SEMA3D: variants seen among roughly 807,000 people sequenced by gnomAD.
SEMA3D encodes the protein semaphorin 3D, also known as semaphorin-3D.
SEMA3D carries 84 observed loss-of-function variants against 100.1 expected under a neutral mutation model. The observed-to-expected ratio is 0.84, with a 90% CI of 0.70 to 1.01. The LOEUF is 1.01. Among genes scored for constraint, SEMA3D ranks in the 50% least tolerant of loss-of-function variants. The pLI, the probability that SEMA3D is intolerant of heterozygous loss-of-function variation, is 0.00. For synonymous variants in SEMA3D, 312 were observed against 320.7 expected (o/e 0.97, Z 0.29); for missense variants, 875 against 934.1 (o/e 0.94, Z 0.82).
At chr7:85,154,485 G>A (rs1354364512) in intron 1 of SEMA3D, among the ~76,000 whole-genome samples, 5 of 151,976 alleles carry the variant, frequency 3.3e-5, no homozygotes, top group African/African-American at 4.8e-5. Context: ...CGGGGGTTGG[G>A]GGATGTCTGT....
At chr7:85,042,416 T>G (rs1790890032) in intron 9 of SEMA3D, 131 bp from the exon 10 acceptor site, 2 of 656,752 alleles carry the variant, frequency 3.0e-6, no homozygotes, top group Admixed American at 2.5e-5. Flanking sequence ...AGATATTGAG[T>G]CCTTGAACTT....
chr7:85,157,932 C>T (rs1167258502), intron 1 of SEMA3D, among the ~76,000 whole-genome samples: 2 of 152,136 alleles, frequency 1.3e-5, no homozygotes, highest in African/African-American at 4.8e-5. Flanking sequence ...GTCTTTACTG[C>T]AGTCTCTGAA....
chr7:85,070,997 T>A (rs1791757293), intron 6 of SEMA3D, among the ~76,000 whole-genome samples: 1 of 152,120 alleles, frequency 6.6e-6, no homozygotes. Context: ...CAAGGCTGGT[T>A]TGGAACTGCT....
chr7:85,241,457 C>CTGTG, the SEMA3D span, among the ~76,000 whole-genome samples: 297 of 102,360 alleles, frequency 2.9e-3, 7 homozygotes, highest in African/African-American at 7.7e-3. Context: ...AATAAAGAAA[C>CTGTG]TGTGTGTGTG....
upstream of SEMA3D, among the ~76,000 whole-genome samples, chr7:85,187,351 G>C (rs917649546): frequency 6.6e-6 from 1 of 152,126 alleles, no homozygotes; most frequent in African/African-American, 2.4e-5. Flanking sequence ...CCTGTTAAGG[G>C]ACCCCATGAG....
intron 2 of SEMA3D, among the ~76,000 whole-genome samples, chr7:85,150,163 T>G (rs2116487356): frequency 6.6e-6 from 1 of 151,756 alleles, no homozygotes; most frequent in Non-Finnish European, 1.5e-5. Flanking sequence ...AAACTTTTTT[T>G]TGTTTTAATT....
chr7:85,221,420 G>T, the SEMA3D span, among the ~76,000 whole-genome samples: 4 of 151,976 alleles, frequency 2.6e-5, no homozygotes, highest in East Asian at 7.7e-4. Context: ...AGATACTAAA[G>T]TTCACATACT....
At chr7:85,070,820 G>A (rs929312939) in intron 6 of SEMA3D, among the ~76,000 whole-genome samples, 5 of 151,894 alleles carry the variant, frequency 3.3e-5, no homozygotes, top group South Asian at 2.1e-4. Context: ...TTGCTCTGTC[G>A]CCCAGGCTGG....
chr7:85,096,845 GT>G (rs1788570623), intron 4 of SEMA3D, among the ~76,000 whole-genome samples: 1 of 151,830 alleles, frequency 6.6e-6, no homozygotes, highest in Admixed American at 6.6e-5. Flanking sequence ...AATACTGTAT[GT>G]AGCTTCAAAG....
In SEMA3D at chr7:85,158,217, G is replaced by GC. The variant is rs1790651443; in HGVS notation, c.-172-4479dup. Among the ~76,000 whole-genome samples, 10 of 152,318 alleles carry GC rather than the reference G, an allele frequency of 6.6e-5. No homozygotes were observed. In the South Asian group the frequency reaches 2.1e-3, roughly 32 times the overall value. On this transcript the variant is annotated intron_variant, in intron 1 of 18. Transcript: ENST00000284136. ...AGAGAGATAACCTTAAACTCTGACT[G>GC]CCAGTGATCTGGGCAGAACAGAGCC...
chr7:85,228,301 C>T, the SEMA3D span, among the ~76,000 whole-genome samples: 14 of 152,130 alleles, frequency 9.2e-5, no homozygotes, highest in East Asian at 1.9e-4. Context: ...ATAAAAATCG[C>T]GAAAGAAACA....
chr7:85,105,213 T>A (rs1331088752), intron 3 of SEMA3D, among the ~76,000 whole-genome samples: 1 of 152,048 alleles, frequency 6.6e-6, no homozygotes, highest in Non-Finnish European at 1.5e-5. Context: ...TCTCCTCTGA[T>A]CTCTAAAGTT....
At chr7:85,185,144 G>T (rs1791505188) in intron 1 of SEMA3D, among the ~76,000 whole-genome samples, 1 of 152,128 alleles carries the variant, frequency 6.6e-6, no homozygotes. Context: ...ATGACATGTG[G>T]CTCTCTCCCT....
chr7:85,016,483 T>C (rs1424735085), intron 15 of SEMA3D, among the ~76,000 whole-genome samples: 1 of 151,728 alleles, frequency 6.6e-6, no homozygotes, highest in Non-Finnish European at 1.5e-5. Flanking sequence ...TCTCTCACAT[T>C]CAGTCTGTCA....
At chr7:85,249,871 T>C in the SEMA3D span, among the ~76,000 whole-genome samples, 16 of 152,284 alleles carry the variant, frequency 1.1e-4, no homozygotes, top group Non-Finnish European at 2.4e-4. Flanking sequence ...GGAGCCAAGA[T>C]GGCCGAATAG....
chr7:85,212,165 T>A, the SEMA3D span, among the ~76,000 whole-genome samples: 489 of 151,952 alleles, frequency 3.2e-3, 3 homozygotes, highest in South Asian at 8.3e-3. Context: ...TAGGGGAATT[T>A]AGCAAGGCCT....
chr7:85,034,566 C>G (rs1450228637), intron 12 of SEMA3D, among the ~76,000 whole-genome samples: 1 of 151,992 alleles, frequency 6.6e-6, no homozygotes, highest in Non-Finnish European at 1.5e-5. Flanking sequence ...AAGATTGCAC[C>G]ACTGCACTTT....
chr7:85,095,038 T>C (rs1445377095), intron 4 of SEMA3D, among the ~76,000 whole-genome samples: 1 of 152,034 alleles, frequency 6.6e-6, no homozygotes, highest in Admixed American at 6.6e-5. Flanking sequence ...ACTTAATTTT[T>C]ATTTTCTAGA....
intron 10 of SEMA3D, among the ~76,000 whole-genome samples, 185 bp from the exon 11 acceptor site, chr7:85,040,927 A>G (rs1790843314): frequency 6.6e-6 from 1 of 152,196 alleles, no homozygotes; most frequent in South Asian, 2.1e-4. Context: ...GTATGGTACA[A>G]TTGATAATCT....
Sources: gnomAD v4.1 joint callset for allele counts (sites outside exome capture counted in the v4.1 genomes callset) on GRCh38, gnomAD v4.1.1 for gene constraint, MANE v1.5 for transcripts, NCBI Gene and HGNC (gene_info 2026-07-23, HGNC 2026-07-21) for gene names.